Variants in FOCAD observed in about 807,000 individuals in gnomAD.
FOCAD encodes the protein KIAA1797.
A neutral mutation model predicts 225.6 loss-of-function variants in FOCAD; 198 were observed. The ratio of observed to expected loss-of-function variants is 0.88; its 90% CI spans 0.78 to 0.99. The LOEUF (loss-of-function observed/expected upper bound fraction) is 0.99, where lower values mean the gene tolerates loss of function less well. FOCAD is among the 50% of genes least tolerant of loss of function. The pLI, the probability that FOCAD is intolerant of heterozygous loss-of-function variation, is 0.00. For synonymous variants in FOCAD, 897 were observed against 755.0 expected, an observed-to-expected ratio of 1.19 and a Z score of -3.08; for missense variants, 2,713 against 2,123.6, an observed-to-expected ratio of 1.28 and a Z score of -5.46.
chr9:20,831,942 T>G lies in FOCAD; in HGVS notation c.1920+8827T>G, dbSNP rs144208644. On this transcript the variant is annotated intron_variant, in intron 15 of 43. Coordinates refer to ENST00000338382, the MANE Select transcript of FOCAD (RefSeq NM_001375567.1). ...CCTATTCTGGACACTTCATATGGAGTCATACAATATATTGCCCTTTGTGTT... is the reference window on the plus strand; with the variant it reads ...CCTATTCTGGACACTTCATATGGAGGCATACAATATATTGCCCTTTGTGTT... Among the ~76,000 whole-genome samples, 191 of 152,150 alleles carry G rather than the reference T, an allele frequency of 1.3e-3. 2 individuals carry two copies. The East Asian group carries it at 0.033, about 26-fold the overall frequency.
intron 39 of FOCAD, among the ~76,000 whole-genome samples, chr9:20,986,027 T>C (rs1428032965): frequency 2.6e-5 from 4 of 152,100 alleles, no homozygotes; most frequent in South Asian, 2.1e-4. Context: ...TATTATTGTT[T>C]GTGTATATTT....
chr9:20,966,165 G>A (rs902679400), intron 35 of FOCAD, among the ~76,000 whole-genome samples: 1 of 151,902 alleles, frequency 6.6e-6, no homozygotes, highest in African/African-American at 2.4e-5. Context: ...ATATAGGAGG[G>A]TTCCAATTTC....
At chr9:20,815,413 G>A (rs948743151) in intron 11 of FOCAD, among the ~76,000 whole-genome samples, 45 of 151,228 alleles carry the variant, frequency 3.0e-4, no homozygotes, top group Admixed American at 8.6e-4. Flanking sequence ...CCAAAGTGTT[G>A]GGATTACAGG....
chr9:20,735,424 G>A (rs1417181469), intron 4 of FOCAD, among the ~76,000 whole-genome samples: 2 of 152,098 alleles, frequency 1.3e-5, no homozygotes, highest in Admixed American at 6.6e-5. Context: ...GCATACCAAA[G>A]TTACTTGTAG....
rs1207351989 is a variant in FOCAD at position 20,981,462 on chromosome 9, C to G, written c.4414C>G (p.Leu1472Val). The G allele has an allele frequency of 6.2e-7, 1 of 1,614,154 alleles. No homozygotes were observed. The highest frequency in any genetic ancestry group is 1.3e-5 in the African/African-American group (1 of 75,042). The change falls in exon 38 of 44, where the codon CTG becomes GTG. Residue 1472 changes from leucine (L) to valine (V), a missense_variant. Leu to Val is a conservative substitution (Grantham distance 32). Transcript: ENST00000338382. ...GAGATATCTCCTGATATCTGCACCT[C>G]TGTGGATAAAACACATCTCTGATGA... The part of the protein sequence containing the change: ...TKRYLLISAP[L>V]WIKHISDEQI...
chr9:20,831,574 G>A (rs929033625), intron 15 of FOCAD, among the ~76,000 whole-genome samples: 1 of 151,994 alleles, frequency 6.6e-6, no homozygotes, highest in Non-Finnish European at 1.5e-5. Context: ...AGAGATAGAA[G>A]ACACATCAAC....
intron 2 of FOCAD, among the ~76,000 whole-genome samples, chr9:20,674,571 G>A (rs1587193948): frequency 6.6e-6 from 1 of 152,312 alleles, no homozygotes; most frequent in East Asian, 1.9e-4. Context: ...CCCTTGCTGA[G>A]AGCACATCTT....
Position 20,714,423 on chromosome 9 carries a change from A to G in FOCAD, c.-32-899A>G, listed in dbSNP as rs1021702915. On this transcript the variant is annotated intron_variant, in intron 1 of 43. Transcript: ENST00000338382. ...AGTTAATCTAGGGCTGTTTATTGAC[A>G]TAAATTTTAATTTTAATTATATTGT... 2.0e-5 allele frequency among the ~76,000 whole-genome samples: 3 copies of G among 152,280 alleles called. No individual in the cohort carries two copies. In the East Asian group the frequency reaches 5.8e-4, roughly 29 times the overall value.
At chr9:20,873,220 T>G (rs949254494) in intron 18 of FOCAD, among the ~76,000 whole-genome samples, 83 of 152,130 alleles carry the variant, frequency 5.5e-4, no homozygotes, top group African/African-American at 2.0e-3. Flanking sequence ...AGTAACTCTA[T>G]TTTTTTGTTT....
intron 11 of FOCAD, among the ~76,000 whole-genome samples, chr9:20,804,715 G>T (rs768521804): frequency 6.6e-6 from 1 of 152,102 alleles, no homozygotes; most frequent in East Asian, 1.9e-4. Flanking sequence ...ATCTATTACC[G>T]TTATTAGAGA....
chr9:20,713,248 T>G (rs976307037), intron 1 of FOCAD, among the ~76,000 whole-genome samples: 4 of 152,218 alleles, frequency 2.6e-5, no homozygotes, highest in African/African-American at 9.6e-5. Context: ...TCCTTTGACC[T>G]GATTTACCAT....
Position 20,731,128 on chromosome 9 carries a change from C to T in FOCAD, c.288-9108C>T, listed in dbSNP as rs146106860. Among the ~76,000 whole-genome samples the T allele has an allele frequency of 9.9e-5, 15 of 152,184 alleles. No homozygotes were observed. In the East Asian group the frequency reaches 2.9e-3, roughly 29 times the overall value. On this transcript the variant is annotated intron_variant, in intron 4 of 43. Coordinates refer to ENST00000338382, the MANE Select transcript of FOCAD (RefSeq NM_001375567.1). ...TGGTGCGTGCCTGTAATCCCTCCTA[C>T]TCGGGAGGCTGAGGCAGGAGAATCT...
At chr9:20,858,959 T>C (rs1296871722) in intron 15 of FOCAD, among the ~76,000 whole-genome samples, 1 of 152,248 alleles carries the variant, frequency 6.6e-6, no homozygotes, top group Non-Finnish European at 1.5e-5. Flanking sequence ...CTTGATATGA[T>C]TTCCATTTTT....
intron 15 of FOCAD, among the ~76,000 whole-genome samples, chr9:20,834,129 A>G (rs1478323821): frequency 6.6e-6 from 1 of 152,142 alleles, no homozygotes; most frequent in Non-Finnish European, 1.5e-5. Flanking sequence ...ATAAAAAAGA[A>G]CAACATCATG....
chr9:20,884,329 C>G (rs1830925183), intron 20 of FOCAD, among the ~76,000 whole-genome samples: 1 of 152,072 alleles, frequency 6.6e-6, no homozygotes, highest in Non-Finnish European at 1.5e-5. Context: ...GACAGAGTTT[C>G]TCTTGGTTGC....
intron 7 of FOCAD, among the ~76,000 whole-genome samples, chr9:20,765,831 A>C (rs572591367): frequency 2.6e-5 from 4 of 152,328 alleles, no homozygotes; most frequent in African/African-American, 9.6e-5. Context: ...ATTTGCCTGG[A>C]ATCGCAGCAC....
chr9:20,797,926 G>C (rs990401634), intron 11 of FOCAD, among the ~76,000 whole-genome samples: 1 of 152,082 alleles, frequency 6.6e-6, no homozygotes, highest in African/African-American at 2.4e-5. Context: ...TCTTGTGCCG[G>C]TTTTCAAAGG....
At chr9:20,845,722 G>A (rs1032670793) in intron 15 of FOCAD, among the ~76,000 whole-genome samples, 2 of 151,786 alleles carry the variant, frequency 1.3e-5, no homozygotes, top group Non-Finnish European at 2.9e-5. Context: ...TGTATTATAC[G>A]GGAGTGCTGC....
At chr9:20,935,763 C>G (rs1342208724) in intron 28 of FOCAD, among the ~76,000 whole-genome samples, 2 of 152,104 alleles carry the variant, frequency 1.3e-5, no homozygotes, top group Non-Finnish European at 2.9e-5. Context: ...GGGCCTTTGA[C>G]CGATGATTTA....
Sources: allele counts gnomAD v4.1 joint callset (sites outside exome capture counted in the v4.1 genomes callset), GRCh38; gene constraint gnomAD v4.1.1; transcripts MANE v1.5; gene names NCBI Gene and HGNC (gene_info 2026-07-23, HGNC 2026-07-21).